CNIH3: variants seen among roughly 807,000 people sequenced by gnomAD.
The protein encoded by CNIH3 is cornichon family AMPA receptor auxiliary protein 3.
In CNIH3, 14 loss-of-function variants were observed where a neutral mutation model predicts 24.1. The ratio of observed to expected loss-of-function variants is 0.58; its 90% CI spans 0.38 to 0.91. The LOEUF is 0.91. CNIH3 is among the 40% of genes least tolerant of loss of function. CNIH3 has a pLI of 0.00. For missense variants in CNIH3, 178 were observed against 196.8 expected (o/e 0.90, Z 0.57); for synonymous variants, 68 against 73.8 (o/e 0.92, Z 0.40).
At chr1:224,491,756 A>G (rs1377783045) in intron 1 of CNIH3, among the ~76,000 whole-genome samples, 1 of 152,018 alleles carries the variant, frequency 6.6e-6, no homozygotes, top group East Asian at 1.9e-4. Context: ...ACAGGTGCCA[A>G]CCATCATGCC....
At chr1:224,679,715 TA>T in intron 1 of CNIH3, among the ~76,000 whole-genome samples, 1 of 152,346 alleles carries the variant, frequency 6.6e-6, no homozygotes, top group Non-Finnish European at 1.5e-5. Flanking sequence ...ATGACTGCTT[TA>T]AAATTCTACT....
chr1:224,641,203 C>A (rs897819541), intron 1 of CNIH3, among the ~76,000 whole-genome samples: 11 of 152,196 alleles, frequency 7.2e-5, no homozygotes, highest in Non-Finnish European at 1.6e-4. Context: ...CTGCCCTGAG[C>A]TGCAGCACCT....
At chr1:224,532,214 C>T (rs903273477) in intron 2 of CNIH3, among the ~76,000 whole-genome samples, 31 of 152,102 alleles carry the variant, frequency 2.0e-4, no homozygotes, top group African/African-American at 5.1e-4. Flanking sequence ...GAGCCACAAA[C>T]GACCATTTCC....
At chr1:224,546,361 C>A (rs1368691950) in intron 2 of CNIH3, among the ~76,000 whole-genome samples, 1 of 152,206 alleles carries the variant, frequency 6.6e-6, no homozygotes, top group Non-Finnish European at 1.5e-5. Flanking sequence ...TAAGATGCTG[C>A]ACTTCCCGCT....
intron 2 of CNIH3, among the ~76,000 whole-genome samples, chr1:224,528,467 G>A (rs1252136412): frequency 2.6e-5 from 4 of 151,982 alleles, no homozygotes; most frequent in African/African-American, 9.7e-5. Context: ...ACCATGGTGG[G>A]CATCACCACA....
chr1:224,729,050 C>T (rs1176208167), intron 3 of CNIH3, among the ~76,000 whole-genome samples: 1 of 151,996 alleles, frequency 6.6e-6, no homozygotes, highest in East Asian at 1.9e-4. Flanking sequence ...AGAAAACATG[C>T]TGTGGGGCCC....
At chr1:224,688,873 C>T (rs533620500) in intron 3 of CNIH3, among the ~76,000 whole-genome samples, 4 of 148,234 alleles carry the variant, frequency 2.7e-5, no homozygotes, top group Admixed American at 6.8e-5. Context: ...TGCAGTGAGC[C>T]GAGATCGCGC....
chr1:224,494,959 G>A (rs1292366540), intron 1 of CNIH3, among the ~76,000 whole-genome samples: 2 of 152,156 alleles, frequency 1.3e-5, no homozygotes, highest in South Asian at 2.1e-4. Flanking sequence ...CAGGGGCTGC[G>A]CCTGAGCCCC....
At chr1:224,637,649 AG>A (rs1684160780) in intron 1 of CNIH3, among the ~76,000 whole-genome samples, 1 of 152,222 alleles carries the variant, frequency 6.6e-6, no homozygotes, top group African/African-American at 2.4e-5. Flanking sequence ...ACAGTCTCAC[AG>A]GAACGGATCA....
chr1:224,657,691 C>T (rs1211676342), intron 1 of CNIH3, among the ~76,000 whole-genome samples: 1 of 152,176 alleles, frequency 6.6e-6, no homozygotes, highest in Non-Finnish European at 1.5e-5. Flanking sequence ...TGGACGTTTC[C>T]TCTCTAATCC....
At chr1:224,733,288 T>G (rs770070540) in intron 4 of CNIH3, among the ~76,000 whole-genome samples, 3 of 152,210 alleles carry the variant, frequency 2.0e-5, no homozygotes, top group Admixed American at 6.5e-5. Flanking sequence ...ATGTGGTGAC[T>G]GGTGACTGGC....
At chr1:224,485,584 C>T (rs1342159807) in intron 1 of CNIH3, among the ~76,000 whole-genome samples, 2 of 152,154 alleles carry the variant, frequency 1.3e-5, no homozygotes, top group Non-Finnish European at 2.9e-5. Flanking sequence ...CCTTGAACTC[C>T]TGGGCCCAAG....
chr1:224,459,097 C>A, intron 1 of CNIH3: 1 of 564,374 alleles, frequency 1.8e-6, no homozygotes, highest in Non-Finnish European at 2.3e-6. Context: ...CTCCAAATGG[C>A]CAAACACCTG....
At chr1:224,599,142 T>C (rs1242452059) in intron 3 of CNIH3, among the ~76,000 whole-genome samples, 1 of 152,200 alleles carries the variant, frequency 6.6e-6, no homozygotes, top group African/African-American at 2.4e-5. Flanking sequence ...ATTTTAGTTG[T>C]TTAAAAAAAC....
chr1:224,720,898 C>T (rs1037184161), intron 3 of CNIH3, among the ~76,000 whole-genome samples: 1 of 152,122 alleles, frequency 6.6e-6, no homozygotes, highest in Non-Finnish European at 1.5e-5. Flanking sequence ...GTCTCAAGCC[C>T]CTGAATGAAA....
intron 3 of CNIH3, among the ~76,000 whole-genome samples, chr1:224,599,103 T>A (rs912962077): frequency 1.6e-4 from 25 of 152,236 alleles, no homozygotes; most frequent in African/African-American, 6.0e-4. Flanking sequence ...CAGCAATAGA[T>A]AACTGCAAAA....
chr1:224,634,733 C>T (rs1684003122), intron 1 of CNIH3, among the ~76,000 whole-genome samples: 1 of 152,168 alleles, frequency 6.6e-6, no homozygotes, highest in South Asian at 2.1e-4. Flanking sequence ...CCTCGCAACT[C>T]ACTCCTCTTC....
At chr1:224,651,401 A>C (rs1684850262) in intron 1 of CNIH3, among the ~76,000 whole-genome samples, 1 of 152,332 alleles carries the variant, frequency 6.6e-6, no homozygotes, top group Non-Finnish European at 1.5e-5. Context: ...ATTACATCAC[A>C]CATTCTGGTT....
intron 1 of CNIH3, among the ~76,000 whole-genome samples, chr1:224,620,847 T>C (rs932445949): frequency 1.1e-4 from 16 of 151,856 alleles, no homozygotes; most frequent in African/African-American, 3.9e-4. Flanking sequence ...GAAAAAAAAA[T>C]TGCATGTGGA....
Sources: allele counts gnomAD v4.1 joint callset (sites outside exome capture counted in the v4.1 genomes callset), GRCh38; gene constraint gnomAD v4.1.1; transcripts MANE v1.5; gene names NCBI Gene and HGNC (gene_info 2026-07-23, HGNC 2026-07-21).